Variants in KCNK2 observed in about 807,000 individuals in gnomAD.
The protein encoded by KCNK2 is potassium channel subfamily K member 2.
KCNK2 carries 21 observed loss-of-function variants against 40.5 expected under a neutral mutation model. The observed-to-expected ratio is 0.52, with a 90% confidence interval of 0.37 to 0.75. The LOEUF (loss-of-function observed/expected upper bound fraction) is 0.75. KCNK2 is among the 30% of genes least tolerant of loss of function. The pLI, the probability that KCNK2 is intolerant of heterozygous loss-of-function variation, is 0.00. For missense variants in KCNK2, 399 were observed against 531.6 expected (o/e 0.75, Z 2.45); for synonymous variants, 191 against 202.2 (o/e 0.94, Z 0.47).
At chr1:215,068,329 CAG>C (rs1658630966) in intron 1 of KCNK2, among the ~76,000 whole-genome samples, 1 of 152,004 alleles carries the variant, frequency 6.6e-6, no homozygotes, top group African/African-American at 2.4e-5. Context: ...TATGCAGGTA[CAG>C]TATATGAAGA....
intron 5 of KCNK2, among the ~76,000 whole-genome samples, chr1:215,184,891 T>C (rs1664371032): frequency 6.6e-6 from 1 of 152,118 alleles, no homozygotes; most frequent in Non-Finnish European, 1.5e-5. Context: ...ATACAAAAAG[T>C]ATAAATAAAA....
intron 6 of KCNK2, 100 bp downstream of exon 6, chr1:215,195,192 T>G: frequency 1.0e-6 from 1 of 965,190 alleles, no homozygotes; most frequent in Non-Finnish European, 1.5e-6. Context: ...TTAAACATTT[T>G]AAAATGTTAA....
intron 2 of KCNK2, among the ~76,000 whole-genome samples, chr1:215,119,059 A>G (rs1001340035): frequency 5.9e-5 from 9 of 152,144 alleles, no homozygotes; most frequent in African/African-American, 1.9e-4. Context: ...AATATAGCCT[A>G]CTCTGAAAGC....
chr1:215,212,408 T>C (rs1665780026), intron 6 of KCNK2, among the ~76,000 whole-genome samples: 1 of 152,178 alleles, frequency 6.6e-6, no homozygotes, highest in Non-Finnish European at 1.5e-5. Context: ...AATTTGCTGA[T>C]TTGAAGGGCA....
intron 3 of KCNK2, among the ~76,000 whole-genome samples, chr1:215,136,251 A>T (rs754825387): frequency 3.3e-5 from 5 of 151,864 alleles, no homozygotes; most frequent in Non-Finnish European, 5.9e-5. Context: ...GTGTGCCACC[A>T]TGTCCAGCTA....
At chr1:215,075,222 T>C (rs796343783) in intron 1 of KCNK2, among the ~76,000 whole-genome samples, 8 of 152,338 alleles carry the variant, frequency 5.3e-5, no homozygotes, top group African/African-American at 1.9e-4. Context: ...TATTTGGGTG[T>C]ATATGTTTGT....
chr1:215,041,771 G>A (rs1657572125), intron 1 of KCNK2, among the ~76,000 whole-genome samples: 1 of 152,254 alleles, frequency 6.6e-6, no homozygotes, highest in African/African-American at 2.4e-5. Flanking sequence ...GTAACTTAAG[G>A]AAAGGGCACA....
chr1:215,172,565 C>A (rs967358784), intron 5 of KCNK2, among the ~76,000 whole-genome samples: 13 of 152,110 alleles, frequency 8.5e-5, no homozygotes, highest in African/African-American at 2.4e-4. Flanking sequence ...TATAAGCATA[C>A]CAGTCAAATT....
At chr1:215,124,606 C>A in intron 2 of KCNK2, 27 bp from the exon 3 acceptor site, 1 of 1,321,540 alleles carries the variant, frequency 7.6e-7, no homozygotes, top group Non-Finnish European at 1.1e-6. Context: ...TTCATGTGTA[C>A]TGATAAATTT....
chr1:215,136,608 G>A (rs1661928861), intron 3 of KCNK2, among the ~76,000 whole-genome samples: 1 of 152,156 alleles, frequency 6.6e-6, no homozygotes, highest in Admixed American at 6.5e-5. Flanking sequence ...GTCCAGTGTG[G>A]ATAGGCAGGA....
intron 6 of KCNK2, among the ~76,000 whole-genome samples, chr1:215,218,089 G>A (rs1666027936): frequency 6.6e-6 from 1 of 152,162 alleles, no homozygotes; most frequent in South Asian, 2.1e-4. Flanking sequence ...GGAGTCAAAA[G>A]GGGACCACTT....
chr1:215,166,484 C>T (rs1315976990), intron 3 of KCNK2, among the ~76,000 whole-genome samples: 1 of 152,116 alleles, frequency 6.6e-6, no homozygotes, highest in Admixed American at 6.6e-5. Context: ...CCAGTCTTTG[C>T]CTCCAGAATC....
intron 5 of KCNK2, among the ~76,000 whole-genome samples, chr1:215,174,033 C>G (rs552942909): frequency 7.2e-5 from 11 of 152,134 alleles, no homozygotes; most frequent in South Asian, 2.1e-4. Context: ...TTTTAGACAT[C>G]AAGTCCTTGC....
At chr1:215,230,092 T>TAC (rs59050433) in intron 6 of KCNK2, among the ~76,000 whole-genome samples, 1,520 of 141,212 alleles carry the variant, frequency 0.011, 33 homozygotes, top group African/African-American at 0.037. Flanking sequence ...TGTGTGTGTA[T>TAC]ACACACACAC....
At chr1:215,196,128 G>A (rs1571717063) in intron 6 of KCNK2, among the ~76,000 whole-genome samples, 1 of 151,568 alleles carries the variant, frequency 6.6e-6, no homozygotes, top group East Asian at 1.9e-4. Context: ...TTGTTATCCA[G>A]GCTGGAGTGC....
intron 5 of KCNK2, among the ~76,000 whole-genome samples, chr1:215,179,074 A>C (rs571836961): frequency 2.6e-5 from 4 of 151,952 alleles, no homozygotes; most frequent in African/African-American, 9.6e-5. Context: ...TTTCTGATTC[A>C]GTCTTGGGAG....
intron 1 of KCNK2, among the ~76,000 whole-genome samples, chr1:215,069,856 T>C (rs1015000345): frequency 6.6e-6 from 1 of 152,192 alleles, no homozygotes; most frequent in Non-Finnish European, 1.5e-5. Context: ...TGACTTTCAA[T>C]GTACCCGAAG....
chr1:215,169,138 C>A (rs929932542), intron 3 of KCNK2, 61 bp from the exon 4 acceptor site: 1 of 1,366,694 alleles, frequency 7.3e-7, no homozygotes, highest in Non-Finnish European at 1.0e-6. Context: ...CTGAATCAAT[C>A]TTGAGTTCAT....
chr1:215,015,248 C>A (rs1165682037), intron 1 of KCNK2, among the ~76,000 whole-genome samples: 1 of 152,038 alleles, frequency 6.6e-6, no homozygotes, highest in Non-Finnish European at 1.5e-5. Flanking sequence ...AATTTCTTTT[C>A]TATATTGGAC....
Sources: gnomAD v4.1 joint callset for allele counts (sites outside exome capture counted in the v4.1 genomes callset) on GRCh38, gnomAD v4.1.1 for gene constraint, MANE v1.5 for transcripts, NCBI Gene and HGNC (gene_info 2026-07-23, HGNC 2026-07-21) for gene names.